NELL1: variants seen among roughly 807,000 people sequenced by gnomAD.
NELL1 encodes the protein protein kinase C-binding protein NELL1.
In NELL1, 76 loss-of-function variants were observed where a neutral mutation model predicts 107.4. The observed-to-expected ratio is 0.71, with a 90% CI of 0.59 to 0.86. The LOEUF (loss-of-function observed/expected upper bound fraction) is 0.86, where lower values mean the gene tolerates loss of function less well. Ranked by LOEUF, NELL1 falls within the 40% of genes least tolerant of loss-of-function variation. The pLI is 0.00. For missense variants in NELL1, 1,024 were observed against 1,005.5 expected, an observed-to-expected ratio of 1.02 and a Z score of -0.25; for synonymous variants, 353 against 341.2, an observed-to-expected ratio of 1.03 and a Z score of -0.38.
chr11:21,075,040 C>T (rs1854102505), intron 12 of NELL1, among the ~76,000 whole-genome samples: 1 of 152,184 alleles, frequency 6.6e-6, no homozygotes. Flanking sequence ...TGGATAGTGA[C>T]ACCTGTGGGC....
intron 4 of NELL1, among the ~76,000 whole-genome samples, chr11:20,853,540 G>A (rs1848827874): frequency 6.6e-6 from 1 of 152,184 alleles, no homozygotes; most frequent in African/African-American, 2.4e-5. Context: ...AATTTAGCTA[G>A]AGGGTATAGG....
At chr11:21,557,172 T>C (rs1444170264) in intron 16 of NELL1, among the ~76,000 whole-genome samples, 1 of 152,012 alleles carries the variant, frequency 6.6e-6, no homozygotes, top group East Asian at 1.9e-4. Flanking sequence ...ATCTGCTAAA[T>C]TGCATGGAAA....
chr11:21,096,867 C>T (rs1329233891), intron 12 of NELL1, among the ~76,000 whole-genome samples: 3 of 152,092 alleles, frequency 2.0e-5, no homozygotes, highest in Admixed American at 6.6e-5. Flanking sequence ...CACGCCACCA[C>T]ACCTGGCTAA....
At chr11:21,098,781 C>T (rs2403652) in intron 12 of NELL1, among the ~76,000 whole-genome samples, 84,835 of 151,680 alleles carry the variant, frequency 0.56, 24,978 homozygotes, top group African/African-American at 0.74. Context: ...ATAATAAATA[C>T]CCCCCAATTC....
chr11:21,204,503 A>C (rs566335036), intron 13 of NELL1, among the ~76,000 whole-genome samples: 26 of 151,932 alleles, frequency 1.7e-4, no homozygotes, highest in African/African-American at 5.8e-4. Context: ...TCTAGTTAGC[A>C]ATTCCTCTAA....
chr11:20,916,289 A>G (rs937255757), intron 5 of NELL1, among the ~76,000 whole-genome samples: 3 of 151,944 alleles, frequency 2.0e-5, no homozygotes, highest in Non-Finnish European at 4.4e-5. Context: ...GTGGAAAGAC[A>G]GGGAAGTAAG....
At chr11:20,788,620 T>TC (rs1377732797) in intron 3 of NELL1, among the ~76,000 whole-genome samples, 1 of 152,098 alleles carries the variant, frequency 6.6e-6, no homozygotes, top group Non-Finnish European at 1.5e-5. Context: ...TACAGTTTTT[T>TC]CCCCCATTCT....
At chr11:21,310,223 A>G (rs908557100) in intron 14 of NELL1, among the ~76,000 whole-genome samples, 1 of 152,118 alleles carries the variant, frequency 6.6e-6, no homozygotes, top group East Asian at 1.9e-4. Flanking sequence ...AACCAGATCT[A>G]CCTGGCCCTG....
rs1240253988 is a variant in NELL1 at position 20,733,430 on chromosome 11, C to CCATG, written c.185-50248_185-50245dup. ...GAGCATAGTCTGAGCTCAAGCTGGA[C>CCATG]CATGCCTAAAGAGAACCTAGATTAG... On this transcript the variant is annotated intron_variant, in intron 2 of 19. Coordinates refer to ENST00000357134, the MANE Select transcript of NELL1 (RefSeq NM_006157.5). Among the ~76,000 whole-genome samples the CCATG allele has an allele frequency of 2.0e-5, 3 of 152,028 alleles. No individual in the cohort carries two copies. In the East Asian group the frequency reaches 5.8e-4, roughly 29 times the overall value.
intron 13 of NELL1, among the ~76,000 whole-genome samples, chr11:21,194,574 G>A (rs1173511415): frequency 1.3e-5 from 2 of 152,046 alleles, no homozygotes; most frequent in Non-Finnish European, 2.9e-5. Flanking sequence ...TCCACACTCT[G>A]GATTCTCAAA....
chr11:21,260,837 C>A (rs1367718799), intron 14 of NELL1: 1 of 151,566 alleles, frequency 6.6e-6, no homozygotes, highest in South Asian at 2.1e-4. Context: ...ATGAAGACAG[C>A]TTTTTAAATA....
At chr11:20,987,797 A>G (rs1851883110) in intron 12 of NELL1, among the ~76,000 whole-genome samples, 2 of 152,212 alleles carry the variant, frequency 1.3e-5, no homozygotes, top group South Asian at 4.1e-4. Flanking sequence ...TAGTACTTAC[A>G]TCATACCATT....
chr11:21,029,049 T>C (rs1852889263), intron 12 of NELL1, among the ~76,000 whole-genome samples: 1 of 152,142 alleles, frequency 6.6e-6, no homozygotes, highest in Admixed American at 6.6e-5. Flanking sequence ...GATTTGTAAG[T>C]GTTGACTTTA....
At chr11:21,453,940 T>C (rs1363828913) in intron 15 of NELL1, among the ~76,000 whole-genome samples, 3 of 52,222 alleles carry the variant, frequency 5.7e-5, no homozygotes, top group Non-Finnish European at 1.6e-4. Flanking sequence ...TATTATACTT[T>C]ACTTTACTTT....
intron 13 of NELL1, among the ~76,000 whole-genome samples, chr11:21,136,613 T>C (rs1855749391): frequency 6.6e-6 from 1 of 152,176 alleles, no homozygotes; most frequent in South Asian, 2.1e-4. Context: ...GACAAATCTA[T>C]TACAAACTGA....
chr11:20,885,550 A>G lies in NELL1; in HGVS notation c.603+10A>G. On this transcript the variant is annotated intron_variant, in intron 5 of 19. Coordinates refer to ENST00000357134, the MANE Select transcript of NELL1 (RefSeq NM_006157.5). ...GCATGGCTTATTCAAAGTAAGCACT[A>G]ACGTTCTTTTTATTGAAGTATATAT... The G allele has an allele frequency of 6.5e-7, 1 of 1,537,640 alleles. No individual in the cohort carries two copies. Among genetic ancestry groups the G allele is most frequent in the Non-Finnish European group, 9.0e-7 (1 of 1,110,450 alleles).
rs79133375 is a variant in NELL1, at chr11:21,094,636, A to C, written c.1301-18953A>C. On this transcript the variant is annotated intron_variant, in intron 12 of 19. Transcript: ENST00000357134. ...GTGGAGTTTCCCAAACCTCAATTCT[A>C]GCAAGCTTAACACCATGTGGAAGCT... 7.4e-3 allele frequency among the ~76,000 whole-genome samples: 1,132 copies of C among 152,108 alleles called. 15 individuals are homozygous for C. Among genetic ancestry groups the C allele is most frequent in the African/African-American group, 0.026 (1,084 of 41,528 alleles).
At chr11:21,022,627 C>A (rs1254273794) in intron 12 of NELL1, among the ~76,000 whole-genome samples, 2 of 152,116 alleles carry the variant, frequency 1.3e-5, no homozygotes, top group Admixed American at 1.3e-4. Context: ...TGGAAGAGTT[C>A]ATCTTTCTCA....
chr11:21,490,748 T>C (rs116323004), intron 15 of NELL1, among the ~76,000 whole-genome samples: 2,766 of 152,074 alleles, frequency 0.018, 100 homozygotes, highest in African/African-American at 0.063. Context: ...GATATCCATA[T>C]GCAAAAGAAT....
Sources: gnomAD v4.1 joint callset for allele counts (sites outside exome capture counted in the v4.1 genomes callset) on GRCh38, gnomAD v4.1.1 for gene constraint, MANE v1.5 for transcripts, NCBI Gene and HGNC (gene_info 2026-07-23, HGNC 2026-07-21) for gene names.